MASP1: variants seen among roughly 807,000 people sequenced by gnomAD.
MASP1 encodes the protein mannan-binding lectin serine protease 1.
Under a neutral mutation model 77.1 loss-of-function variants are expected in MASP1, and 59 were observed. The ratio of observed to expected loss-of-function variants is 0.77; its 90% CI spans 0.62 to 0.95. MASP1 has a LOEUF of 0.95. MASP1 is among the 40% of genes least tolerant of loss of function. The probability of loss-of-function intolerance (pLI) is 0.00; values close to 1 mark genes in which losing one functional copy is unlikely to be tolerated. For synonymous variants in MASP1, 362 were observed against 354.5 expected (o/e 1.02, Z -0.24); for missense variants, 885 against 912.9 (o/e 0.97, Z 0.39).
chr3:187,252,184 A>G (rs1361137211), intron 6 of MASP1, among the ~76,000 whole-genome samples: 2 of 152,186 alleles, frequency 1.3e-5, no homozygotes, highest in African/African-American at 4.8e-5. Context: ...TGGGAGGGCT[A>G]AGCATGGCAG....
chr3:187,260,157 C>G (rs1715438754), intron 4 of MASP1, among the ~76,000 whole-genome samples: 1 of 152,184 alleles, frequency 6.6e-6, no homozygotes, highest in African/African-American at 2.4e-5. Flanking sequence ...AGAGCTCCTC[C>G]TAGAAAGTGG....
At chr3:187,259,648 A>AT (rs779324543) in intron 4 of MASP1, among the ~76,000 whole-genome samples, 1 of 152,244 alleles carries the variant, frequency 6.6e-6, no homozygotes, top group African/African-American at 2.4e-5. Context: ...ACTTAACCGA[A>AT]TAAAAAAATA....
intron 2 of MASP1, among the ~76,000 whole-genome samples, chr3:187,277,843 GAAAT>G (rs1398863593): frequency 2.0e-5 from 3 of 152,186 alleles, no homozygotes; most frequent in African/African-American, 4.8e-5. Flanking sequence ...ATACAAAGGA[GAAAT>G]AAATAACCTC....
chr3:187,222,995 G>T (rs983483586), intron 14 of MASP1: 3 of 755,718 alleles, frequency 4.0e-6, no homozygotes, highest in Non-Finnish European at 7.1e-6. Flanking sequence ...TTTGGAGGTG[G>T]GTCTGGGCTC....
chr3:187,290,712 A>G (rs1312931383), intron 1 of MASP1, among the ~76,000 whole-genome samples: 3 of 151,782 alleles, frequency 2.0e-5, no homozygotes, highest in African/African-American at 7.3e-5. Flanking sequence ...CACTTTCCCA[A>G]GTGAAAAGAA....
intron 2 of MASP1, among the ~76,000 whole-genome samples, chr3:187,267,093 GA>G (rs1716100949): frequency 6.6e-6 from 1 of 152,226 alleles, no homozygotes; most frequent in African/African-American, 2.4e-5. Context: ...CAGATAATTT[GA>G]ACAAATTGGG....
chr3:187,253,570 T>C (rs564111886), intron 5 of MASP1, among the ~76,000 whole-genome samples: 36 of 152,290 alleles, frequency 2.4e-4, no homozygotes, highest in Non-Finnish European at 5.0e-4. Context: ...CTATTTACAA[T>C]AGCGAAGGTG....
At chr3:187,219,518 C>A in exon 16 of MASP1, 1 of 161,584 alleles carries the variant, frequency 6.2e-6, no homozygotes, top group South Asian at 1.8e-4. Context: ...TGATGTTGGG[C>A]AAGTTGCACG....
intron 10 of MASP1, among the ~76,000 whole-genome samples, chr3:187,239,249 A>G (rs569705865): frequency 6.6e-6 from 1 of 151,924 alleles, no homozygotes; most frequent in East Asian, 1.9e-4. Context: ...ACTACTCGAG[A>G]GGCTGAGGCA....
At chr3:187,238,611 A>T (rs1447936593) in intron 10 of MASP1, among the ~76,000 whole-genome samples, 4 of 152,184 alleles carry the variant, frequency 2.6e-5, no homozygotes, top group Non-Finnish European at 4.4e-5. Flanking sequence ...TCTTTAAAAA[A>T]ATGTGATACT....
rs777281636 is a variant in MASP1 at position 187,262,560 on chromosome 3, G to T, written c.398C>A (p.Ala133Asp). 3.7e-6 allele frequency: 6 copies of T among 1,613,940 alleles called. No individual in the cohort carries two copies. The African/African-American group carries it at 8.0e-5, about 22-fold the overall frequency. ...CAACTTACCCACAGCCATGTAGTGG[G>T]CATCAAAGCCTGTGAAACGCTCCTC... ...SNEERFTGFD[A>D]HYMAVDVDEC... is the part of the protein sequence containing the mutation. Residue 133 changes from alanine to aspartate, a missense_variant, in exon 3 of 11, where the codon GCC (alanine) becomes GAC (aspartate). Transcript: ENST00000296280.
At position 187,249,591 on chromosome 3, in the gene MASP1, G is replaced by A. The variant is rs560701223; in HGVS notation, c.1090+660C>T. ...GCCTGTATTTTTACAAAGCTCAGTA[G>A]ATGATTTATATAGACTATATCATTT... On this transcript the variant is annotated intron_variant, in intron 8 of 10. Transcript: ENST00000296280. Among the ~76,000 whole-genome samples the A allele has an allele frequency of 8.5e-5, 13 of 152,336 alleles. No homozygotes were observed. The Middle Eastern group carries it at 0.01, about 120-fold the overall frequency.
In MASP1 at chr3:187,235,244, G is replaced by A; in HGVS notation, c.*440C>T. 4 of 1,292,348 alleles carry A rather than the reference G, an allele frequency of 3.1e-6. No individual in the cohort carries two copies. Among genetic ancestry groups the A allele is most frequent in the Non-Finnish European group, 4.0e-6 (4 of 992,396 alleles). The allele number at this position is 1,292,348 out of a possible 1,614,324, so 80.1% of individuals were successfully genotyped here. A position where few individuals can be genotyped will look rare whatever the true frequency, so the allele number is the denominator to read the frequency against. On this transcript the variant is annotated 3_prime_UTR_variant, in exon 11 of 11. Transcript: ENST00000296280. Reference sequence around the variant, plus strand: ...AGAAGGCAGAGCAGGAAAATATACAGATGCGGCATTCAGTTCAATGTTAGA... The same window carrying A: ...AGAAGGCAGAGCAGGAAAATATACAAATGCGGCATTCAGTTCAATGTTAGA...
rs1431278514 is a variant in MASP1 at position 187,236,140 on chromosome 3, A to C, written c.1731T>G (p.Leu577=). The C allele has an allele frequency of 6.2e-7, 1 of 1,613,954 alleles. No individual in the cohort carries two copies. The highest frequency in any genetic ancestry group is 2.2e-5 in the East Asian group (1 of 44,878). ...TGTGGGGGGCCGGGCCTTCAGGCTC[A>C]AGCCTTGGCAGGCAGACAGGCATAA... ...PHVMPVCLPR[L]EPEGPAPHML... Residue 577 remains leucine, a synonymous_variant, in exon 11 of 11, where the codon CTT becomes CTG. Coordinates refer to ENST00000296280, the MANE Select transcript of MASP1 (RefSeq NM_139125.4).
chr3:187,257,523 G>A (rs912681499), intron 4 of MASP1, among the ~76,000 whole-genome samples: 2 of 151,954 alleles, frequency 1.3e-5, no homozygotes, highest in East Asian at 3.9e-4. Context: ...TAGCTGGGAC[G>A]ACAGGCACGT....
chr3:187,288,140 A>G (rs1204204835), intron 1 of MASP1, among the ~76,000 whole-genome samples: 5 of 152,224 alleles, frequency 3.3e-5, no homozygotes, highest in African/African-American at 1.2e-4. Flanking sequence ...AGGTCCCTAC[A>G]ATAGCAATAT....
chr3:187,243,145 G>C (rs1001112451), intron 9 of MASP1: 13 of 348,904 alleles, frequency 3.7e-5, no homozygotes, highest in Middle Eastern at 9.5e-4. Flanking sequence ...GGGATTCCAG[G>C]CTTCCTTTAG....
chr3:187,219,087 G>A (rs981749706), exon 16 of MASP1: 1 of 152,228 alleles, frequency 6.6e-6, no homozygotes, highest in African/African-American at 2.4e-5. Context: ...ATGTCCTTGG[G>A]AACCCACCCG....
At chr3:187,247,881 A>C (rs1287756028) in intron 8 of MASP1, among the ~76,000 whole-genome samples, 1 of 152,150 alleles carries the variant, frequency 6.6e-6, no homozygotes, top group Non-Finnish European at 1.5e-5. Context: ...ACTGTTTAGG[A>C]CCTGTGATAT....
Sources: gnomAD v4.1 joint callset for allele counts (sites outside exome capture counted in the v4.1 genomes callset) on GRCh38, gnomAD v4.1.1 for gene constraint, MANE v1.5 for transcripts, NCBI Gene and HGNC (gene_info 2026-07-23, HGNC 2026-07-21) for gene names.